Variants in CRLF3 observed in about 807,000 individuals in gnomAD.
CRLF3 encodes the protein cytokine receptor-like factor 3.
In CRLF3, 33 loss-of-function variants were observed where a neutral mutation model predicts 55.0. The ratio of observed to expected loss-of-function variants is 0.60; its 90% CI spans 0.46 to 0.80. The LOEUF is 0.80. CRLF3 is among the 30% of genes least tolerant of loss of function. CRLF3 has a pLI of 0.00. For synonymous variants in CRLF3, 238 were observed against 196.8 expected (o/e 1.21, Z -1.75); for missense variants, 494 against 538.4 (o/e 0.92, Z 0.82).
intron 6 of CRLF3, among the ~76,000 whole-genome samples, chr17:30,788,625 T>C (rs1385749668): frequency 8.0e-6 from 1 of 124,844 alleles, no homozygotes; most frequent in Non-Finnish European, 1.7e-5. Flanking sequence ...TTTTTTTTTT[T>C]GAGACAGCAT....
intron 7 of CRLF3, chr17:30,784,736 G>C: frequency 3.8e-6 from 1 of 262,278 alleles, no homozygotes; most frequent in African/African-American, 2.3e-5. Context: ...TTGTTCTACC[G>C]AATTCTTGAC....
At chr17:30,800,430 G>A (rs1293354985) in intron 2 of CRLF3, among the ~76,000 whole-genome samples, 1 of 151,988 alleles carries the variant, frequency 6.6e-6, no homozygotes, top group African/African-American at 2.4e-5. Context: ...TACGTACTAA[G>A]CACCCGCCTT....
At chr17:30,811,640 A>G (rs1331402442) in intron 1 of CRLF3, among the ~76,000 whole-genome samples, 12 of 150,908 alleles carry the variant, frequency 8.0e-5, no homozygotes, top group African/African-American at 2.9e-4. Flanking sequence ...CGTCTCTACT[A>G]AAAATACAAA....
chr17:30,820,196 A>G (rs1904946994), intron 1 of CRLF3, among the ~76,000 whole-genome samples: 1 of 152,136 alleles, frequency 6.6e-6, no homozygotes, highest in Admixed American at 6.5e-5. Flanking sequence ...GCATTCCTAC[A>G]CAGAACTTCC....
At chr17:30,790,447 T>G (rs1160848481) in intron 6 of CRLF3, among the ~76,000 whole-genome samples, 1 of 152,158 alleles carries the variant, frequency 6.6e-6, no homozygotes, top group East Asian at 1.9e-4. Context: ...AAGAAATGGG[T>G]AGAGAAACAA....
intron 2 of CRLF3, chr17:30,801,237 C>T (rs1972004101): frequency 6.6e-6 from 1 of 151,580 alleles, no homozygotes; most frequent in Non-Finnish European, 1.5e-5. Flanking sequence ...CTCTTAAAAT[C>T]AGCCCTGCCT....
chr17:30,822,052 G>A (rs757492789), intron 1 of CRLF3, among the ~76,000 whole-genome samples: 2 of 109,358 alleles, frequency 1.8e-5, no homozygotes, highest in Non-Finnish European at 3.6e-5. Context: ...AACCCTGTCC[G>A]CACCCCCGCC....
In CRLF3 at chr17:30,796,167, C is replaced by A; in HGVS notation, c.596G>T (p.Trp199Leu). 1.2e-6 allele frequency: 2 copies of A among 1,609,366 alleles called. No homozygotes were observed. Among genetic ancestry groups the A allele is most frequent in the Non-Finnish European group, 1.7e-6 (2 of 1,177,254 alleles). The change falls in exon 4 of 8, where the codon TGG (tryptophan) becomes TTG (leucine). Residue 199 changes from tryptophan (W) to leucine (L), a missense_variant. Transcript: ENST00000324238. The stretch of plus-strand genomic sequence containing the variant: ...GAATTCTGAATTACATACCTTACAC[C>A]ATCGTACAATGATGCCTCCAGGTTT... ...IEKPGGIIVR[W>L]CKVDDDFTAQ...
At chr17:30,790,393 C>G (rs757430418) in intron 6 of CRLF3, among the ~76,000 whole-genome samples, 14 of 152,154 alleles carry the variant, frequency 9.2e-5, no homozygotes, top group Non-Finnish European at 1.5e-4. Flanking sequence ...GAATACATCT[C>G]AGATAACATG....
chr17:30,788,541 C>T (rs1176411789), intron 6 of CRLF3, among the ~76,000 whole-genome samples: 1 of 150,430 alleles, frequency 6.6e-6, no homozygotes, highest in East Asian at 1.9e-4. Flanking sequence ...TCAGCAGCTC[C>T]AAGCCTTCCA....
At chr17:30,818,890 A>T (rs1233905428) in intron 1 of CRLF3, among the ~76,000 whole-genome samples, 1 of 150,520 alleles carries the variant, frequency 6.6e-6, no homozygotes, top group East Asian at 1.9e-4. Context: ...ATCTTGGCTC[A>T]CTGCAACCTC....
Position 30,783,033 on chromosome 17 carries a change from T to A in CRLF3, c.*1154A>T, listed in dbSNP as rs1048663775. ...AATTTAAGTAAGTTTTTAAAAAAAA[T>A]AAGTATTTACGCTATATTTTTTTGC... is the stretch of plus-strand genomic sequence containing the variant. On this transcript the variant is annotated 3_prime_UTR_variant, in exon 8 of 8. Coordinates refer to ENST00000324238, the MANE Select transcript of CRLF3 (RefSeq NM_015986.4). 3.3e-5 allele frequency: 5 copies of A among 152,122 alleles called. No homozygotes were observed. The highest frequency in any genetic ancestry group is 7.4e-5 in the Non-Finnish European group (5 of 68,010). The allele number at this position is 152,122 out of a possible 1,614,324, so 9.4% of individuals were successfully genotyped here.
At chr17:30,797,215 C>G in intron 3 of CRLF3, 96 bp downstream of exon 3, 2 of 885,356 alleles carry the variant, frequency 2.3e-6, no homozygotes, top group South Asian at 2.7e-5. Context: ...TATATATTCT[C>G]TATCTCCCTT....
At chr17:30,796,725 C>CTTT (rs750539288) in intron 3 of CRLF3, among the ~76,000 whole-genome samples, 3 of 132,268 alleles carry the variant, frequency 2.3e-5, no homozygotes, top group East Asian at 2.1e-4. Context: ...CAGTGAAACG[C>CTTT]TTTTTTTTTT....
chr17:30,812,613 T>C (rs769609131), intron 1 of CRLF3, among the ~76,000 whole-genome samples: 1 of 152,204 alleles, frequency 6.6e-6, no homozygotes, highest in Non-Finnish European at 1.5e-5. Context: ...GTTACAGTAG[T>C]GGCCCCCAAT....
chr17:30,796,307 C>T lies in CRLF3; in HGVS notation c.456G>A (p.Val152=), dbSNP rs779071734. 1 of 1,613,614 alleles carries T rather than the reference C, an allele frequency of 6.2e-7. No individual in the cohort carries two copies. Among genetic ancestry groups the T allele is most frequent in the African/African-American group, 1.3e-5 (1 of 74,908 alleles). The change falls in exon 4 of 8, where the codon GTG becomes GTA. Residue 152 remains valine (V), a synonymous_variant. Coordinates refer to ENST00000324238, the MANE Select transcript of CRLF3 (RefSeq NM_015986.4). ...CATCCAACTGAGCAGATAAACAAGGCACATCAACCAGTAAAGGTACTTCTG... is the reference window on the plus strand; with the variant it reads ...CATCCAACTGAGCAGATAAACAAGGTACATCAACCAGTAAAGGTACTTCTG... The part of the protein sequence containing the change: ...SLPEVPLLVD[V]PCLSAQLDDS...
At chr17:30,791,738 A>G (rs78194310) in intron 6 of CRLF3, among the ~76,000 whole-genome samples, 20,480 of 147,006 alleles carry the variant, frequency 0.14, 1,486 homozygotes, top group South Asian at 0.25. Flanking sequence ...GGATGTTCTC[A>G]ATCTCCTGAC....
chr17:30,802,459 C>T (rs1972022275), intron 2 of CRLF3, among the ~76,000 whole-genome samples: 1 of 150,748 alleles, frequency 6.6e-6, no homozygotes, highest in South Asian at 2.1e-4. Context: ...GAGACAGGGT[C>T]TTACTCTGTC....
intron 2 of CRLF3, chr17:30,801,132 G>T (rs1019923172): frequency 2.0e-5 from 3 of 150,948 alleles, no homozygotes; most frequent in African/African-American, 7.3e-5. Flanking sequence ...GCCCAGACTG[G>T]TCTCGAACTC....
Sources: gnomAD v4.1 joint callset for allele counts (sites outside exome capture counted in the v4.1 genomes callset) on GRCh38, gnomAD v4.1.1 for gene constraint, MANE v1.5 for transcripts, NCBI Gene and HGNC (gene_info 2026-07-23, HGNC 2026-07-21) for gene names.